CENPP: variants seen among roughly 807,000 people sequenced by gnomAD.
CENPP encodes centromere protein P.
A neutral mutation model predicts 35.6 loss-of-function variants in CENPP; 24 were observed. The observed-to-expected ratio is 0.67, with a 90% confidence interval of 0.49 to 0.95. The LOEUF is 0.95. CENPP is among the 40% of genes least tolerant of loss of function. The pLI is 0.00. For missense variants in CENPP, 332 were observed against 345.3 expected (o/e 0.96, Z 0.31); for synonymous variants, 120 against 125.5 (o/e 0.96, Z 0.29).
At position 92,619,626 on chromosome 9, in the gene CENPP, C is replaced by A; in HGVS notation, c.*6477C>A. The A allele has an allele frequency of 7.0e-7, 1 of 1,420,062 alleles. No individual in the cohort carries two copies. The highest frequency in any genetic ancestry group is 1.2e-5 in the South Asian group (1 of 81,600). 88.0% of individuals were successfully genotyped at this position (1,420,062 alleles called of 1,614,324 possible). A position where few individuals can be genotyped will look rare whatever the true frequency, so the allele number is the denominator to read the frequency against. On this transcript the variant is annotated 3_prime_UTR_variant, in exon 8 of 8. Transcript: ENST00000375587. ...AGGAAGCCTCTGCCCCCCCACACAACCTTCCTTCCCAGTAGCCAAGTGTGG... is the reference window on the plus strand; with the variant it reads ...AGGAAGCCTCTGCCCCCCCACACAAACTTCCTTCCCAGTAGCCAAGTGTGG...
intron 5 of CENPP, among the ~76,000 whole-genome samples, chr9:92,450,758 T>C (rs1005972668): frequency 1.9e-3 from 293 of 152,180 alleles, no homozygotes; most frequent in African/African-American, 6.7e-3. Flanking sequence ...CCAGCACCTG[T>C]TGTTTCCTGA....
At chr9:92,577,273 G>T (rs952317234) in intron 5 of CENPP, among the ~76,000 whole-genome samples, 3 of 152,170 alleles carry the variant, frequency 2.0e-5, no homozygotes, top group Non-Finnish European at 4.4e-5. Flanking sequence ...CAGCACTTTA[G>T]GAGGCTGAGG....
intron 5 of CENPP, chr9:92,393,304 G>T: frequency 3.7e-6 from 5 of 1,348,254 alleles, no homozygotes; most frequent in Non-Finnish European, 5.1e-6. Context: ...TTCTCCTCTA[G>T]TAGTAAAATT....
At chr9:92,346,241 G>A (rs764691408) in intron 4 of CENPP, among the ~76,000 whole-genome samples, 15 of 152,088 alleles carry the variant, frequency 9.9e-5, no homozygotes, top group Non-Finnish European at 1.6e-4. Flanking sequence ...TGCCCAGGCT[G>A]TTCTCAAACT....
chr9:92,502,635 A>T (rs761329630), intron 5 of CENPP: 2 of 1,587,584 alleles, frequency 1.3e-6, no homozygotes, highest in Admixed American at 3.4e-5. Flanking sequence ...CAATTTGGTT[A>T]TTTTCTAGGT....
At chr9:92,432,491 G>A (rs1312477082) in intron 5 of CENPP, among the ~76,000 whole-genome samples, 1 of 152,096 alleles carries the variant, frequency 6.6e-6, no homozygotes, top group Non-Finnish European at 1.5e-5. Context: ...ACCACGAGAT[G>A]AAAGTACATT....
At position 92,598,750 on chromosome 9, in the gene CENPP, T is replaced by G. The variant is rs1266609314; in HGVS notation, c.565-12564T>G. 4.0e-5 allele frequency among the ~76,000 whole-genome samples: 6 copies of G among 151,818 alleles called. 1 individual carries two copies. Among genetic ancestry groups the G allele is most frequent in the African/African-American group, 1.5e-4 (6 of 41,310 alleles). ...TAAAACAAATAACTGAAGGGGTTTT[T>G]TTTTTTTTTGAGGAATTTTTCCAGC... On this transcript the variant is annotated intron_variant, in intron 5 of 7. Coordinates refer to ENST00000375587, the MANE Select transcript of CENPP (RefSeq NM_001012267.3).
At chr9:92,442,398 CAAAAAAAAA>C (rs71362387) in intron 5 of CENPP, among the ~76,000 whole-genome samples, 1 of 74,484 alleles carries the variant, frequency 1.3e-5, no homozygotes, top group Non-Finnish European at 2.8e-5. Context: ...AACTCTGTCT[CAAAAAAAAA>C]AAAAAAAAAG....
At position 92,439,824 on chromosome 9, in the gene CENPP, T is replaced by C. The variant is rs1448460611; in HGVS notation, c.564+59965T>C. Among the ~76,000 whole-genome samples, 3 of 152,234 alleles carry C rather than the reference T, an allele frequency of 2.0e-5. No individual in the cohort carries two copies. In the South Asian group the frequency reaches 6.2e-4, roughly 32 times the overall value. ...TACCATTTGGGTGAAAGGAACTCTTTGATCTTCAAAGTAGTGAAATGATTC... is the reference window on the plus strand; with the variant it reads ...TACCATTTGGGTGAAAGGAACTCTTCGATCTTCAAAGTAGTGAAATGATTC... On this transcript the variant is annotated intron_variant, in intron 5 of 7. Transcript: ENST00000375587.
intron 3 of CENPP, among the ~76,000 whole-genome samples, chr9:92,342,328 G>A (rs1841147208): frequency 6.6e-6 from 1 of 152,212 alleles, no homozygotes; most frequent in African/African-American, 2.4e-5. Context: ...ACTACTAGCA[G>A]TTTCTGTCCT....
intron 5 of CENPP, among the ~76,000 whole-genome samples, chr9:92,435,901 C>T (rs1844234628): frequency 6.6e-6 from 1 of 152,146 alleles, no homozygotes; most frequent in Non-Finnish European, 1.5e-5. Context: ...CAACATGAGT[C>T]TTCATTTCTA....
At position 92,557,912 on chromosome 9, in the gene CENPP, G is replaced by A. The variant is rs562851827; in HGVS notation, c.565-53402G>A. 2.0e-5 allele frequency among the ~76,000 whole-genome samples: 3 copies of A among 152,166 alleles called. No individual in the cohort carries two copies. The South Asian group carries it at 6.2e-4, about 32-fold the overall frequency. The stretch of plus-strand genomic sequence containing the variant: ...CCCACCTAGGCCTCCCAAAGTGCTG[G>A]GATTACAGGCGTGAGCCACCGCGCC... On this transcript the variant is annotated intron_variant, in intron 5 of 7. Transcript: ENST00000375587.
chr9:92,480,993 T>C (rs565123246), intron 5 of CENPP, among the ~76,000 whole-genome samples: 6 of 152,362 alleles, frequency 3.9e-5, no homozygotes, highest in African/African-American at 1.4e-4. Flanking sequence ...GAAGTATAAC[T>C]AGCATTCTGA....
At chr9:92,451,436 G>T (rs1488493815) in intron 5 of CENPP, among the ~76,000 whole-genome samples, 1 of 147,894 alleles carries the variant, frequency 6.8e-6, no homozygotes, top group African/African-American at 2.5e-5. Context: ...TGAGGGCTCT[G>T]TTCTGTTCCA....
At chr9:92,459,722 A>C in intron 5 of CENPP, 1 of 1,613,560 alleles carries the variant, frequency 6.2e-7, no homozygotes, top group Non-Finnish European at 8.5e-7. Context: ...GTATGTTAGC[A>C]AGACTCCCAT....
At chr9:92,437,116 C>T (rs1338720785) in intron 5 of CENPP, among the ~76,000 whole-genome samples, 4 of 152,098 alleles carry the variant, frequency 2.6e-5, no homozygotes, top group Non-Finnish European at 4.4e-5. Context: ...GCAGGAGAAT[C>T]GCTCAAACCC....
chr9:92,580,034 G>A (rs1205902507), intron 5 of CENPP, among the ~76,000 whole-genome samples: 3 of 150,620 alleles, frequency 2.0e-5, no homozygotes, highest in Admixed American at 2.0e-4. Flanking sequence ...TTTGTCAAAG[G>A]CCTTTTCTGC....
chr9:92,560,868 C>CTTTTT (rs58467942), intron 5 of CENPP, among the ~76,000 whole-genome samples: 2 of 126,150 alleles, frequency 1.6e-5, no homozygotes, highest in Non-Finnish European at 1.7e-5. Flanking sequence ...TTTTTCTTGT[C>CTTTTT]TTTTTTTTTT....
intron 5 of CENPP, among the ~76,000 whole-genome samples, chr9:92,559,223 G>A (rs894759367): frequency 7.2e-5 from 11 of 152,134 alleles, no homozygotes; most frequent in South Asian, 2.1e-4. Context: ...TCCTCTGGCC[G>A]CCCTCCCGAT....
Sources: gnomAD v4.1 joint callset for allele counts (sites outside exome capture counted in the v4.1 genomes callset) on GRCh38, gnomAD v4.1.1 for gene constraint, MANE v1.5 for transcripts, NCBI Gene and HGNC (gene_info 2026-07-23, HGNC 2026-07-21) for gene names.